Variants in RASA3 observed in about 807,000 individuals in gnomAD.
RASA3 encodes RAS p21 protein activator 3, also known as ras GTPase-activating protein 3.
A neutral mutation model predicts 110.0 loss-of-function variants in RASA3; 73 were observed. The ratio of observed to expected loss-of-function variants is 0.66; its 90% CI spans 0.55 to 0.81. The LOEUF (loss-of-function observed/expected upper bound fraction) is 0.81, where lower values mean the gene tolerates loss of function less well. Ranked by LOEUF, RASA3 falls within the 30% of genes least tolerant of loss-of-function variation. The pLI is 0.00. For missense variants in RASA3, 976 were observed against 1,113.2 expected (o/e 0.88, Z 1.75); for synonymous variants, 500 against 451.4 (o/e 1.11, Z -1.37).
At chr13:114,049,792 G>T (rs554462812) in intron 3 of RASA3, among the ~76,000 whole-genome samples, 108 of 152,382 alleles carry the variant, frequency 7.1e-4, no homozygotes, top group African/African-American at 2.5e-3. Context: ...GAACACAGGA[G>T]CGAGACACAG....
At chr13:114,026,504 C>G (rs932164988) in intron 7 of RASA3, among the ~76,000 whole-genome samples, 3 of 152,242 alleles carry the variant, frequency 2.0e-5, no homozygotes, top group Admixed American at 2.0e-4. Flanking sequence ...CACCAAGTTC[C>G]CACCTCTGCC....
intron 1 of RASA3, among the ~76,000 whole-genome samples, chr13:114,123,542 G>A (rs570913573): frequency 6.0e-4 from 91 of 152,324 alleles, no homozygotes; most frequent in Non-Finnish European, 1.0e-3. Flanking sequence ...GTTCAGACCC[G>A]GGCTGCAGCT....
At chr13:114,078,738 G>A (rs748704224) in intron 1 of RASA3, among the ~76,000 whole-genome samples, 2 of 152,230 alleles carry the variant, frequency 1.3e-5, no homozygotes, top group Non-Finnish European at 1.5e-5. Context: ...CCACGCCCAC[G>A]GCAGCCCTTC....
rs190569187 is a variant in RASA3 at position 113,984,241 on chromosome 13, T to C, written c.2246-2383A>G. On this transcript the variant is annotated intron_variant, in intron 22 of 23. Coordinates refer to ENST00000334062, the MANE Select transcript of RASA3 (RefSeq NM_007368.4). ...CATCACTCACCCATCTGTCCATCCA[T>C]CCATTACTCACCCATCTGTCCATCC... 5.3e-4 allele frequency among the ~76,000 whole-genome samples: 48 copies of C among 90,652 alleles called. 3 individuals are homozygous for C. The highest frequency in any genetic ancestry group is 1.7e-3 in the African/African-American group (47 of 27,432). 59.5% of individuals were successfully genotyped at this position (90,652 alleles called of 152,430 possible).
At chr13:114,017,395 G>A (rs1348429172) in intron 11 of RASA3, 44 bp from the exon 12 acceptor site, 11 of 1,517,962 alleles carry the variant, frequency 7.2e-6, no homozygotes, top group East Asian at 6.8e-5. Context: ...CTGGGGACGC[G>A]GAAGTGCAGA....
intron 2 of RASA3, among the ~76,000 whole-genome samples, chr13:114,062,843 C>T (rs753991149): frequency 8.5e-5 from 13 of 152,244 alleles, no homozygotes; most frequent in Non-Finnish European, 1.5e-4. Flanking sequence ...AGGAAGGACG[C>T]CTGGACCCTG....
intron 2 of RASA3, among the ~76,000 whole-genome samples, chr13:114,061,235 G>A (rs1193398607): frequency 6.6e-6 from 1 of 151,980 alleles, no homozygotes; most frequent in Non-Finnish European, 1.5e-5. Context: ...GCCTCGATGC[G>A]CGGGGCTCCC....
chr13:114,079,458 A>G (rs986063733), intron 1 of RASA3, among the ~76,000 whole-genome samples: 1 of 152,240 alleles, frequency 6.6e-6, no homozygotes, highest in Non-Finnish European at 1.5e-5. Flanking sequence ...AACGCAAAAC[A>G]TTCAAAGGGG....
intron 1 of RASA3, among the ~76,000 whole-genome samples, chr13:114,107,206 CT>C (rs2080146019): frequency 6.6e-6 from 1 of 152,156 alleles, no homozygotes; most frequent in African/African-American, 2.4e-5. Flanking sequence ...CCTTTGTGTC[CT>C]GGTCCTCGCA....
rs1227419750 is a variant in RASA3, at chr13:114,010,427, C to T, written c.1590+744G>A. On this transcript the variant is annotated intron_variant, in intron 16 of 23. Coordinates refer to ENST00000334062, the MANE Select transcript of RASA3 (RefSeq NM_007368.4). ...AGCACTGCCCCCGGGACGCCTCAAA[C>T]GTCAGCTCTGACCCCCTCAAACACA... is the stretch of plus-strand genomic sequence containing the variant. Among the ~76,000 whole-genome samples the T allele has an allele frequency of 3.3e-5, 5 of 152,082 alleles. 1 individual carries two copies. The East Asian group carries it at 5.9e-4, about 18-fold the overall frequency.
intron 1 of RASA3, among the ~76,000 whole-genome samples, chr13:114,075,514 G>A (rs9562111): frequency 0.099 from 7,325 of 73,898 alleles, 570 homozygotes; most frequent in African/African-American, 0.19. Context: ...CCGTGTCGGC[G>A]CCGCGTATCT....
chr13:114,008,522 G>A, intron 17 of RASA3, among the ~76,000 whole-genome samples: 1 of 28,822 alleles, frequency 3.5e-5, no homozygotes, highest in Non-Finnish European at 5.8e-5. Flanking sequence ...CTGACTGTGG[G>A]GAGGAGCAGA....
intron 1 of RASA3, among the ~76,000 whole-genome samples, chr13:114,087,583 G>A (rs971874390): frequency 1.3e-5 from 2 of 152,226 alleles, no homozygotes; most frequent in Admixed American, 6.5e-5. Context: ...CCCGGCCTGC[G>A]CCTCTGGAGG....
Position 114,011,235 on chromosome 13 carries a change from G to C in RASA3, c.1526C>G (p.Ser509Cys), listed in dbSNP as rs772449087. The stretch of plus-strand genomic sequence containing the variant: ...CTTGGAGATCAATGTCAGCGTCCTG[G>C]ACGTCTGGGGGTCCTGGGGAGGCGG... ...LTPHHTDPQT[S>C]RTLTLISKTV... The change falls in exon 16 of 24, where the codon TCC (serine) becomes TGC (cysteine). Residue 509 changes from serine (S) to cysteine (C), a missense_variant. Around this residue, in one of 4 missense-constraint regions of RASA3, gnomAD observed 732 missense variants for 779.7 expected, o/e 0.94. Coordinates refer to ENST00000334062, the MANE Select transcript of RASA3 (RefSeq NM_007368.4). This position sits in a 1 kb window ranked among gnomAD's most constrained non-coding sequence, Gnocchi z 4.8. The C allele has an allele frequency of 3.7e-6, 6 of 1,612,694 alleles. No homozygotes were observed. Among genetic ancestry groups the C allele is most frequent in the Non-Finnish European group, 5.1e-6 (6 of 1,179,660 alleles).
intron 8 of RASA3, among the ~76,000 whole-genome samples, chr13:114,021,841 G>A (rs1402394297): frequency 6.6e-6 from 1 of 151,790 alleles, no homozygotes; most frequent in African/African-American, 2.4e-5. Context: ...TTACATAGGA[G>A]GGAGCCTGGG....
rs551556174 is a variant in RASA3, at chr13:114,120,949, C to T, written c.55+11486G>A. On this transcript the variant is annotated intron_variant, in intron 1 of 23. Transcript: ENST00000334062. The stretch of plus-strand genomic sequence containing the variant: ...TCATTTGAATTCCAGTGTGCTTCCC[C>T]GAGTGGCACAGCCGAGCTAGTCTTG... 7.3e-4 allele frequency among the ~76,000 whole-genome samples: 111 copies of T among 152,308 alleles called. 1 individual carries two copies. In the South Asian group the frequency reaches 0.022, roughly 30 times the overall value.
chr13:113,989,980 G>A (rs1019375070), intron 22 of RASA3, among the ~76,000 whole-genome samples: 20 of 152,152 alleles, frequency 1.3e-4, no homozygotes, highest in African/African-American at 3.9e-4. Context: ...CTGGAGGAAG[G>A]AGAGGGGATC....
chr13:114,012,320 C>A (rs571084299), intron 15 of RASA3, among the ~76,000 whole-genome samples: 1 of 151,352 alleles, frequency 6.6e-6, no homozygotes. Context: ...GCACTCCCCA[C>A]GCACCGTCCA....
rs765355503 is a variant in RASA3 at position 113,981,785 on chromosome 13, G to T, written c.2319C>A (p.Pro773=). 3 of 1,614,098 alleles carry T rather than the reference G, an allele frequency of 1.9e-6. No individual in the cohort carries two copies. Among genetic ancestry groups the T allele is most frequent in the Non-Finnish European group, 2.5e-6 (3 of 1,180,000 alleles). Reference sequence around the variant, plus strand: ...GCTTTAGCGTCTTGTAGGTCTCCTGGGGGTCGTCAATGACGAACGTCGAAT... The same window carrying T: ...GCTTTAGCGTCTTGTAGGTCTCCTGTGGGTCGTCAATGACGAACGTCGAAT... ...EEYSTFVIDD[P]QETYKTLKQV... is the part of the protein sequence containing the mutation. Residue 773 remains proline (P), a synonymous_variant, in exon 23 of 24, where the codon CCC becomes CCA. Coordinates refer to ENST00000334062, the MANE Select transcript of RASA3 (RefSeq NM_007368.4).
Sources: allele counts gnomAD v4.1 joint callset (sites outside exome capture counted in the v4.1 genomes callset), GRCh38; gene constraint gnomAD v4.1.1; regional missense constraint gnomAD v4.1.1; non-coding constraint Gnocchi (gnomAD v3.1); transcripts MANE v1.5; gene names NCBI Gene and HGNC (gene_info 2026-07-23, HGNC 2026-07-21).